Variants in FBXL2 observed in about 807,000 individuals in gnomAD.
FBXL2 encodes F-box and leucine rich repeat protein 2.
In FBXL2, 38 loss-of-function variants were observed where a neutral mutation model predicts 69.2. The ratio of observed to expected loss-of-function variants is 0.55; its 90% CI spans 0.42 to 0.72. The LOEUF is 0.72. FBXL2 is among the 30% of genes least tolerant of loss of function. FBXL2 has a pLI of 0.00. For missense variants in FBXL2, 354 were observed against 520.3 expected (o/e 0.68, Z 3.11); for synonymous variants, 192 against 201.3 (o/e 0.95, Z 0.39).
intron 5 of FBXL2, chr3:33,372,555 GA>G (rs908963064): frequency 5.0e-5 from 8 of 160,580 alleles, no homozygotes; most frequent in African/African-American, 1.7e-4. Context: ...ACAGATCAAT[GA>G]GGAAGTTCCT....
At chr3:33,334,764 C>T (rs12487876) in intron 2 of FBXL2, among the ~76,000 whole-genome samples, 11,768 of 151,904 alleles carry the variant, frequency 0.077, 521 homozygotes, top group Admixed American at 0.099. Flanking sequence ...AAGCTTAAGA[C>T]GACAGAAGAA....
rs201578213 is a variant in FBXL2, at chr3:33,293,640, G to GT, written c.4-4013dup. 5.9e-3 allele frequency among the ~76,000 whole-genome samples: 883 copies of GT among 148,738 alleles called. 10 individuals carry two copies. Among genetic ancestry groups the GT allele is most frequent in the African/African-American group, 0.018 (742 of 40,590 alleles). ...TATGGCCTATTCTAATTGCTAGAAA[G>GT]TTTTTTTTTTTCCTGTATTGGGGTG... On this transcript the variant is annotated intron_variant, in intron 1 of 14. Transcript: ENST00000484457.
downstream of FBXL2, chr3:33,388,207 AAAAGG>A (rs2043591843): frequency 3.3e-5 from 5 of 152,294 alleles, no homozygotes; most frequent in Admixed American, 2.0e-4. Flanking sequence ...AAATAAACTG[AAAAGG>A]AAAAAACTAT....
At chr3:33,315,226 T>C (rs1038370446) in intron 2 of FBXL2, among the ~76,000 whole-genome samples, 2 of 151,474 alleles carry the variant, frequency 1.3e-5, no homozygotes, top group Non-Finnish European at 2.9e-5. Flanking sequence ...TTTCCTTTCC[T>C]TTTTTTTCTT....
At chr3:33,356,128 TTCACTTGTG>T (rs2041183482) in intron 2 of FBXL2, among the ~76,000 whole-genome samples, 1 of 152,184 alleles carries the variant, frequency 6.6e-6, no homozygotes, top group African/African-American at 2.4e-5. Context: ...GAGCTCTTGC[TTCACTTGTG>T]AGTGAAGCAT....
intron 1 of FBXL2, among the ~76,000 whole-genome samples, chr3:33,284,165 C>T (rs1440217708): frequency 6.6e-6 from 1 of 152,274 alleles, no homozygotes; most frequent in African/African-American, 2.4e-5. Context: ...TAGATCTTTT[C>T]TGCTTTCTCT....
intron 9 of FBXL2, among the ~76,000 whole-genome samples, 180 bp downstream of exon 9, chr3:33,374,101 C>A (rs897802727): frequency 3.3e-5 from 5 of 152,112 alleles, no homozygotes; most frequent in South Asian, 2.1e-4. Context: ...ACAACAACAA[C>A]AAAAAGGAAT....
In FBXL2 at chr3:33,377,875, G is replaced by C. The variant is rs2042748213; in HGVS notation, c.850-228G>C. Among the ~76,000 whole-genome samples, 3 of 152,218 alleles carry C rather than the reference G, an allele frequency of 2.0e-5. No homozygotes were observed. The South Asian group carries it at 6.2e-4, about 32-fold the overall frequency. On this transcript the variant is annotated intron_variant, in intron 11 of 14. Transcript: ENST00000484457. The stretch of plus-strand genomic sequence containing the variant: ...GTAGACAACTCTCTTTACAAGTTGA[G>C]AGAAGGAAATGCAGCCAGAGGCAGC...
At chr3:33,413,275 G>A in the FBXL2 span, among the ~76,000 whole-genome samples, 13 of 152,042 alleles carry the variant, frequency 8.6e-5, no homozygotes, top group African/African-American at 1.9e-4. Context: ...GGCTGGGTGC[G>A]GTGGCTCACA....
Position 33,393,573 on chromosome 3 carries a change from AC to A in FBXL2, n.1214+7846del, listed in dbSNP as rs1449621114. ...TTCAAAGTACCAAAAAAGTAAAAAA[AC>A]ATTTTAAATGGGAATAAACTATTTC... On this transcript the variant is annotated intron_variant and non_coding_transcript_variant, in intron 12 of 12. Transcript: ENST00000463736. The A allele has an allele frequency of 1.8e-5, 17 of 942,032 alleles. No individual in the cohort carries two copies. In the Admixed American group the frequency reaches 2.9e-4, roughly 16 times the overall value. 58.4% of individuals were successfully genotyped at this position (942,032 alleles called of 1,614,324 possible). A position where few individuals can be genotyped will look rare whatever the true frequency, so the allele number is the denominator to read the frequency against.
At chr3:33,284,056 C>G (rs1250886477) in intron 1 of FBXL2, among the ~76,000 whole-genome samples, 6 of 152,118 alleles carry the variant, frequency 3.9e-5, no homozygotes, top group Non-Finnish European at 7.3e-5. Flanking sequence ...TCCTTCAGTT[C>G]TGCTCTGATC....
At chr3:33,310,771 T>A (rs1014172915) in intron 2 of FBXL2, among the ~76,000 whole-genome samples, 5 of 151,708 alleles carry the variant, frequency 3.3e-5, no homozygotes, top group African/African-American at 9.7e-5. Context: ...TTAAAAAAAA[T>A]TATATATTTA....
intron 9 of FBXL2, 145 bp from the exon 10 acceptor site, chr3:33,375,143 C>A: frequency 1.1e-6 from 1 of 879,774 alleles, no homozygotes; most frequent in Non-Finnish European, 1.8e-6. Flanking sequence ...TACCTGTCTA[C>A]CCTCTACTTA....
At chr3:33,417,384 C>A in the FBXL2 span, among the ~76,000 whole-genome samples, 1 of 147,782 alleles carries the variant, frequency 6.8e-6, no homozygotes, top group African/African-American at 2.5e-5. Flanking sequence ...CAGAATCATA[C>A]AATATGTGGG....
chr3:33,399,824 A>G (rs1212448327), intron 12 of FBXL2, among the ~76,000 whole-genome samples: 2 of 151,864 alleles, frequency 1.3e-5, no homozygotes, highest in Non-Finnish European at 2.9e-5. Context: ...TGAGAAACGG[A>G]GTGAAGAGTA....
intron 2 of FBXL2, among the ~76,000 whole-genome samples, chr3:33,344,076 GA>G (rs1247902997): frequency 2.1e-5 from 3 of 140,908 alleles, no homozygotes; most frequent in Non-Finnish European, 3.1e-5. Flanking sequence ...CAATTAATAG[GA>G]AAAAAATACA....
the FBXL2 span, chr3:33,409,196 C>T: frequency 1.9e-6 from 3 of 1,591,228 alleles, no homozygotes; most frequent in South Asian, 2.2e-5. Context: ...AATATGCAAC[C>T]TTTGCTTCTC....
chr3:33,296,218 A>G (rs1395652788), intron 1 of FBXL2, among the ~76,000 whole-genome samples: 1 of 152,112 alleles, frequency 6.6e-6, no homozygotes, highest in Non-Finnish European at 1.5e-5. Context: ...GGCATGCACC[A>G]TCATGCCCTG....
intron 2 of FBXL2, chr3:33,297,929 A>G (rs2035889705): frequency 1.6e-6 from 1 of 619,110 alleles, no homozygotes; most frequent in Non-Finnish European, 3.0e-6. Context: ...CTAAGTATGT[A>G]CATAGCATTG....
Sources: gnomAD v4.1 joint callset for allele counts (sites outside exome capture counted in the v4.1 genomes callset) on GRCh38, gnomAD v4.1.1 for gene constraint, MANE v1.5 for transcripts, NCBI Gene and HGNC (gene_info 2026-07-23, HGNC 2026-07-21) for gene names.